SPATA7: variants seen among roughly 807,000 people sequenced by gnomAD.
SPATA7 encodes the protein spermatogenesis associated 7.
SPATA7 carries 43 observed loss-of-function variants against 51.8 expected under a neutral mutation model. The observed-to-expected ratio is 0.83, with a 90% CI of 0.65 to 1.07. The LOEUF (loss-of-function observed/expected upper bound fraction) is 1.07, where lower values mean the gene tolerates loss of function less well. SPATA7 is among the 50% of genes least tolerant of loss of function. SPATA7 has a pLI of 0.00. For missense variants in SPATA7, 683 were observed against 701.3 expected, an observed-to-expected ratio of 0.97 and a Z score of 0.30; for synonymous variants, 230 against 252.8, an observed-to-expected ratio of 0.91 and a Z score of 0.86.
intron 5 of SPATA7, among the ~76,000 whole-genome samples, chr14:88,417,693 G>A (rs2076523439): frequency 1.3e-5 from 2 of 152,142 alleles, no homozygotes; most frequent in Admixed American, 1.3e-4. Context: ...ACAGAACTTA[G>A]TCATGGTACA....
downstream of SPATA7, chr14:88,438,548 C>A (rs975586691): frequency 2.4e-6 from 2 of 821,706 alleles, no homozygotes; most frequent in Non-Finnish European, 4.1e-6. Flanking sequence ...AGAAACCTAG[C>A]GGCCTAATGT....
chr14:88,430,155 G>A (rs1456406845), intron 8 of SPATA7, among the ~76,000 whole-genome samples: 2 of 151,976 alleles, frequency 1.3e-5, no homozygotes, highest in Non-Finnish European at 2.9e-5. Flanking sequence ...GTAGAAGAAA[G>A]GAAGGAGTAG....
At chr14:88,394,513 T>C (rs1444274702) in intron 3 of SPATA7, among the ~76,000 whole-genome samples, 2 of 152,228 alleles carry the variant, frequency 1.3e-5, no homozygotes, top group Admixed American at 1.3e-4. Context: ...TTAAGGAGTA[T>C]TTCATTTAAT....
At chr14:88,466,868 T>TTAAC (rs1170636171) in intron 4 of SPATA7, 2 of 152,222 alleles carry the variant, frequency 1.3e-5, no homozygotes, top group African/African-American at 4.8e-5. Flanking sequence ...AAAACTATTA[T>TTAAC]TAACTATTCC....
chr14:88,449,228 G>A (rs1435266188), intron 3 of SPATA7, among the ~76,000 whole-genome samples: 1 of 152,032 alleles, frequency 6.6e-6, no homozygotes, highest in East Asian at 1.9e-4. Context: ...TCTTAGCTCT[G>A]TCTTTGCTGT....
chr14:88,419,919 A>C (rs1389631435), intron 5 of SPATA7, among the ~76,000 whole-genome samples: 2 of 152,090 alleles, frequency 1.3e-5, no homozygotes, highest in Non-Finnish European at 2.9e-5. Flanking sequence ...AGTGACCCAC[A>C]CCCTTAAGCA....
intron 3 of SPATA7, among the ~76,000 whole-genome samples, chr14:88,394,794 G>GC (rs1402139935): frequency 6.6e-6 from 1 of 152,024 alleles, no homozygotes; most frequent in African/African-American, 2.4e-5. Context: ...CCAACCCTTG[G>GC]CGTTGACAGT....
intron 3 of SPATA7, among the ~76,000 whole-genome samples, chr14:88,447,572 C>T (rs1159523036): frequency 3.3e-5 from 5 of 152,168 alleles, no homozygotes; most frequent in East Asian, 3.9e-4. Flanking sequence ...GTAGTTTCTT[C>T]GTAGTCTCGA....
chr14:88,432,640 A>C (rs1261011906), intron 9 of SPATA7: 1 of 152,294 alleles, frequency 6.6e-6, no homozygotes, highest in Non-Finnish European at 1.5e-5. Context: ...TCAACCTTAA[A>C]ACAAGATGCT....
At chr14:88,399,605 CATATT>C (rs1437200909) in intron 4 of SPATA7, among the ~76,000 whole-genome samples, 2 of 152,058 alleles carry the variant, frequency 1.3e-5, no homozygotes, top group Non-Finnish European at 2.9e-5. Flanking sequence ...TCTTCTGTAT[CATATT>C]AGTAACTTTT....
chr14:88,415,467 T>C (rs2076450714), intron 4 of SPATA7, among the ~76,000 whole-genome samples: 2 of 152,138 alleles, frequency 1.3e-5, no homozygotes, highest in South Asian at 4.2e-4. Context: ...CTCTTGAAGA[T>C]AGTAGAAGGT....
Position 88,445,520 on chromosome 14 carries a change from G to A in SPATA7, c.177+7617G>A, listed in dbSNP as rs548095660. On this transcript the variant is annotated intron_variant, in intron 3 of 3. Coordinates refer to the SPATA7 transcript ENST00000554802. The stretch of plus-strand genomic sequence containing the variant: ...TGCCCTGGCCAGAACTTCCAACACT[G>A]TGTTGAATAGGAGTGGTGAGAGAGG... Among the ~76,000 whole-genome samples the A allele has an allele frequency of 4.7e-4, 72 of 152,056 alleles. 1 individual carries two copies. The highest frequency in any genetic ancestry group is 1.5e-3 in the African/African-American group (64 of 41,428).
intron 3 of SPATA7, among the ~76,000 whole-genome samples, chr14:88,446,067 G>A (rs1228069517): frequency 6.6e-6 from 1 of 152,196 alleles, no homozygotes; most frequent in Non-Finnish European, 1.5e-5. Flanking sequence ...AATGGTACCA[G>A]TTCCTCCTTG....
At chr14:88,450,837 C>G (rs899971218) in intron 3 of SPATA7, among the ~76,000 whole-genome samples, 1 of 152,106 alleles carries the variant, frequency 6.6e-6, no homozygotes, top group African/African-American at 2.4e-5. Flanking sequence ...ATGTGGATGT[C>G]TAGATCTCTA....
intron 10 of SPATA7, among the ~76,000 whole-genome samples, chr14:88,436,145 G>T (rs1482201029): frequency 3.9e-5 from 6 of 152,054 alleles, no homozygotes; most frequent in Admixed American, 2.6e-4. Context: ...GTTTTGATTT[G>T]CATTCCTCTG....
At chr14:88,414,229 G>A (rs962786018) in intron 4 of SPATA7, among the ~76,000 whole-genome samples, 10 of 151,882 alleles carry the variant, frequency 6.6e-5, no homozygotes, top group Non-Finnish European at 1.5e-4. Context: ...TTACTGGTTC[G>A]ATTTTGGAAC....
chr14:88,432,995 A>G, intron 9 of SPATA7, 140 bp from the exon 10 acceptor site: 1 of 657,338 alleles, frequency 1.5e-6, no homozygotes, highest in Non-Finnish European at 2.6e-6. Flanking sequence ...TTGTTTTGTA[A>G]TATTCCCCTT....
Position 88,391,424 on chromosome 14 carries a change from A to T in SPATA7, c.63A>T (p.Leu21=), listed in dbSNP as rs1446244168. The change falls in exon 2 of 12, where the codon CTA becomes CTT. Residue 21 remains leucine (L), a synonymous_variant. Transcript: ENST00000393545. ...SVLPRYGPPC[L]FKGHLSTKSN... Reference sequence around the variant, plus strand: ...TTCCCAGATATGGTCCACCGTGCCTATTTAAAGGACACTTGAGCACCAAAA... The same window carrying T: ...TTCCCAGATATGGTCCACCGTGCCTTTTTAAAGGACACTTGAGCACCAAAA... 6.2e-7 allele frequency: 1 copy of T among 1,613,806 alleles called. No homozygotes were observed. Among genetic ancestry groups the T allele is most frequent in the South Asian group, 1.1e-5 (1 of 91,046 alleles).
At chr14:88,390,414 A>T (rs74071376) in intron 1 of SPATA7, among the ~76,000 whole-genome samples, 5,355 of 152,196 alleles carry the variant, frequency 0.035, 305 homozygotes, top group African/African-American at 0.12. Context: ...TTCCTTTATA[A>T]GGTTCAGGAT....
Sources: allele counts gnomAD v4.1 joint callset (sites outside exome capture counted in the v4.1 genomes callset), GRCh38; gene constraint gnomAD v4.1.1; transcripts MANE v1.5; gene names NCBI Gene and HGNC (gene_info 2026-07-23, HGNC 2026-07-21).